STON2: variants seen among roughly 807,000 people sequenced by gnomAD.
STON2 encodes the protein stonin-2.
In STON2, 29 loss-of-function variants were observed where a neutral mutation model predicts 65.7. That is an observed-to-expected ratio of 0.44 (90% confidence interval 0.33 to 0.60). The LOEUF (loss-of-function observed/expected upper bound fraction) is 0.60. Among genes scored for constraint, STON2 ranks in the 20% least tolerant of loss-of-function variants. STON2 has a pLI of 0.03. For synonymous variants in STON2, 404 were observed against 414.2 expected (o/e 0.98, Z 0.30); for missense variants, 1,054 against 1,118.1 (o/e 0.94, Z 0.82).
intron 4 of STON2, among the ~76,000 whole-genome samples, chr14:81,356,342 A>G (rs1898230727): frequency 6.6e-6 from 1 of 152,246 alleles, no homozygotes; most frequent in Admixed American, 6.5e-5. Context: ...CTAGCCTTGC[A>G]TCCCAGGGAT....
At chr14:81,336,153 T>C in intron 4 of STON2, among the ~76,000 whole-genome samples, 1 of 152,138 alleles carries the variant, frequency 6.6e-6, no homozygotes, top group East Asian at 1.9e-4. Context: ...GAAAATGAGA[T>C]TCAAAGTTTG....
intron 6 of STON2, 28 bp downstream of exon 6, chr14:81,276,873 T>C (rs755862614): frequency 6.3e-7 from 1 of 1,587,596 alleles, no homozygotes; most frequent in Non-Finnish European, 8.6e-7. Context: ...TGTATGTTTG[T>C]TTTCACAGAA....
At chr14:81,346,135 G>T (rs1897801716) in intron 4 of STON2, among the ~76,000 whole-genome samples, 1 of 152,178 alleles carries the variant, frequency 6.6e-6, no homozygotes, top group Non-Finnish European at 1.5e-5. Context: ...AAGTTGTGAA[G>T]TCATTCTCTC....
intron 1 of STON2, among the ~76,000 whole-genome samples, chr14:81,427,781 T>G (rs939862780): frequency 1.3e-5 from 2 of 151,830 alleles, no homozygotes; most frequent in Non-Finnish European, 2.9e-5. Context: ...GAACTGACCG[T>G]GCAAAAACAA....
rs1377140670 is a variant in STON2, at chr14:81,422,449, C to G, written c.-199+4653G>C. On this transcript the variant is annotated intron_variant, in intron 2 of 8. Transcript: ENST00000553821. ...CCGCAGAACTATGAGCCAAATAAAC[C>G]TCTTTTCTTTATAAATTACCCAGTC... is the stretch of plus-strand genomic sequence containing the variant. 8.5e-5 allele frequency among the ~76,000 whole-genome samples: 13 copies of G among 152,270 alleles called. No individual in the cohort carries two copies. In the South Asian group the frequency reaches 2.7e-3, roughly 32 times the overall value.
intron 2 of STON2, among the ~76,000 whole-genome samples, chr14:81,425,020 T>C (rs2139911047): frequency 6.6e-6 from 1 of 152,324 alleles, no homozygotes. Flanking sequence ...TTGGTAGATG[T>C]CTCACTGACA....
chr14:81,270,630 A>G, intron 7 of STON2, 40 bp downstream of exon 7: 2 of 1,614,144 alleles, frequency 1.2e-6, no homozygotes, highest in Non-Finnish European at 1.7e-6. Context: ...GGGTGAACAA[A>G]TGGAGTTGGA....
In STON2 at chr14:81,277,967, C is replaced by G; in HGVS notation, c.1515G>C (p.Pro505=). 6.2e-7 allele frequency: 1 copy of G among 1,614,182 alleles called. No homozygotes were observed. Among genetic ancestry groups the G allele is most frequent in the South Asian group, 1.1e-5 (1 of 91,088 alleles). Residue 505 remains proline (P), a synonymous_variant, in exon 6 of 8, where the codon CCG becomes CCC. Transcript: ENST00000614646. ...CAGTGTCTGTCAGTTTGACGAAGAT[C>G]GGTCCCCAGTGCCTGGAGGACATGA... ...KNIMSSRHWG[P]IFVKLTDTGY... is the part of the protein sequence containing the mutation.
chr14:81,319,578 G>C (rs1441754763), intron 5 of STON2, among the ~76,000 whole-genome samples: 1 of 152,160 alleles, frequency 6.6e-6, no homozygotes, highest in African/African-American at 2.4e-5. Context: ...TGAACCACCT[G>C]AGTGTTATTT....
At chr14:81,425,163 T>C (rs1026105598) in intron 2 of STON2, among the ~76,000 whole-genome samples, 1 of 152,240 alleles carries the variant, frequency 6.6e-6, no homozygotes, top group Non-Finnish European at 1.5e-5. Flanking sequence ...TGGGTTCTTA[T>C]TTAGCTTTGA....
intron 4 of STON2, among the ~76,000 whole-genome samples, chr14:81,352,723 A>G (rs1011289143): frequency 6.6e-6 from 1 of 152,248 alleles, no homozygotes; most frequent in African/African-American, 2.4e-5. Flanking sequence ...GAGGATATCA[A>G]TAAAAAGCAT....
chr14:81,368,863 G>C lies in STON2; in HGVS notation c.571+2125C>G, dbSNP rs374805944. Among the ~76,000 whole-genome samples the C allele has an allele frequency of 5.3e-5, 8 of 152,212 alleles. No individual in the cohort carries two copies. The East Asian group carries it at 7.8e-4, about 15-fold the overall frequency. ...CTTTGAGTCTCTGGTGTAAACTCTG[G>C]CGTAGGGGCCAGTTAGTTTCTGGTG... is the stretch of plus-strand genomic sequence containing the variant. On this transcript the variant is annotated intron_variant, in intron 4 of 7. Coordinates refer to ENST00000614646, the MANE Select transcript of STON2 (RefSeq NM_001394390.1).
At chr14:81,385,825 A>T (rs958737584) in intron 3 of STON2, among the ~76,000 whole-genome samples, 1 of 152,234 alleles carries the variant, frequency 6.6e-6, no homozygotes, top group Non-Finnish European at 1.5e-5. Flanking sequence ...TATGGAGAAG[A>T]GAGATAATAA....
intron 4 of STON2, among the ~76,000 whole-genome samples, chr14:81,360,627 C>T (rs1319362512): frequency 1.3e-5 from 2 of 152,088 alleles, no homozygotes; most frequent in African/African-American, 4.8e-5. Context: ...GACAAGGATG[C>T]CCACTCTTGC....
At chr14:81,282,074 C>A (rs568620334) in intron 5 of STON2, among the ~76,000 whole-genome samples, 7 of 152,184 alleles carry the variant, frequency 4.6e-5, no homozygotes, top group South Asian at 4.2e-4. Context: ...GAAATAAATT[C>A]TAAGAGTTTA....
Position 81,406,766 on chromosome 14 carries a change from C to T in STON2, c.-198-8186G>A, listed in dbSNP as rs75103938. 7.5e-3 allele frequency among the ~76,000 whole-genome samples: 1,139 copies of T among 152,306 alleles called. 13 individuals are homozygous for T. Among genetic ancestry groups the T allele is most frequent in the African/African-American group, 0.025 (1,047 of 41,550 alleles). On this transcript the variant is annotated intron_variant, in intron 2 of 8. Transcript: ENST00000553821. ...CCAGTATCTTTGTCCCATTCTCAAT[C>T]CTCCAGCAGCCACTCTATTAAGCTC...
intron 4 of STON2, among the ~76,000 whole-genome samples, chr14:81,343,006 G>A (rs927289199): frequency 3.3e-5 from 5 of 152,180 alleles, no homozygotes; most frequent in Admixed American, 6.5e-5. Flanking sequence ...GTTATAAGTG[G>A]AGACCACATC....
chr14:81,266,653 T>G lies in STON2; in HGVS notation c.*1761A>C, dbSNP rs928399979. 1 of 984,216 alleles carries G rather than the reference T, an allele frequency of 1.0e-6. No individual in the cohort carries two copies. The highest frequency in any genetic ancestry group is 1.2e-6 in the Non-Finnish European group (1 of 828,828). The allele number at this position is 984,216 out of a possible 1,614,324, so 61.0% of individuals were successfully genotyped here. On this transcript the variant is annotated 3_prime_UTR_variant, in exon 8 of 8. Coordinates refer to ENST00000614646, the MANE Select transcript of STON2 (RefSeq NM_001394390.1). ...ACTAGATGGAGGGTTAATAAAAGCA[T>G]GTAAGGCTTTTATTAACACCAGCTG...
chr14:81,318,535 T>C (rs1209133445), intron 5 of STON2, among the ~76,000 whole-genome samples: 1 of 152,188 alleles, frequency 6.6e-6, no homozygotes, highest in African/African-American at 2.4e-5. Context: ...TTGCCACAAG[T>C]ATTTGCAGTT....
Sources: gnomAD v4.1 joint callset for allele counts (sites outside exome capture counted in the v4.1 genomes callset) on GRCh38, gnomAD v4.1.1 for gene constraint, MANE v1.5 for transcripts, NCBI Gene and HGNC (gene_info 2026-07-23, HGNC 2026-07-21) for gene names.